The following ANOS1 variants were observed in gnomAD, a reference collection of about 807,000 sequenced individuals.
The protein encoded by ANOS1 is anosmin-1.
Under a neutral mutation model 59.0 loss-of-function variants are expected in ANOS1, and 6 were observed. That is an observed-to-expected ratio of 0.10 (90% CI 0.06 to 0.20). The LOEUF (loss-of-function observed/expected upper bound fraction) is 0.20. Ranked by LOEUF, ANOS1 falls within the 10% of genes least tolerant of loss-of-function variation. ANOS1 has a pLI of 1.00. For missense variants in ANOS1, 433 were observed against 542.3 expected (o/e 0.80, Z 2.00); for synonymous variants, 217 against 223.4 (o/e 0.97, Z 0.25).
chrX:8,719,134 C>G (rs1252439138), intron 1 of ANOS1, among the ~76,000 whole-genome samples: 1 of 111,730 alleles, frequency 9.0e-6, no homozygotes, highest in Non-Finnish European at 1.9e-5. Context: ...GATGGGGTGA[C>G]ACATGTCAAT....
intron 2 of ANOS1, among the ~76,000 whole-genome samples, chrX:8,659,584 G>GCCTGCCTTCCTT (rs1336939298): frequency 1.6e-4 from 9 of 57,686 alleles, no homozygotes; most frequent in African/African-American, 6.3e-4. Context: ...TTGCTTGCTT[G>GCCTGCCTTCCTT]CCTTCCTTCC....
chrX:8,710,375 G>A (rs182954754), intron 1 of ANOS1, among the ~76,000 whole-genome samples: 2 of 111,638 alleles, frequency 1.8e-5, no homozygotes, highest in Non-Finnish European at 3.8e-5. Flanking sequence ...TGGGCATTCC[G>A]GTCTCTGTCA....
chrX:8,554,557 T>G (rs1417462428), intron 8 of ANOS1, among the ~76,000 whole-genome samples: 2 of 97,992 alleles, frequency 2.0e-5, no homozygotes, highest in East Asian at 3.1e-4. Flanking sequence ...TTTTTTTTTT[T>G]TTTTTTTTTT....
At chrX:8,578,536 CTG>C (rs1413520900) in intron 6 of ANOS1, among the ~76,000 whole-genome samples, 7 of 111,753 alleles carry the variant, frequency 6.3e-5, no homozygotes, top group Non-Finnish European at 1.1e-4. Context: ...TACTGACACT[CTG>C]TAATGCATGC....
chrX:8,649,968 A>G (rs150771931), intron 2 of ANOS1, among the ~76,000 whole-genome samples: 177 of 112,978 alleles, frequency 1.6e-3, no homozygotes, highest in African/African-American at 5.4e-3. Flanking sequence ...TCTTTTTGTT[A>G]AACTACATAA....
chrX:8,544,606 G>A (rs1285367744), intron 9 of ANOS1, among the ~76,000 whole-genome samples: 1 of 108,953 alleles, frequency 9.2e-6, no homozygotes, highest in Non-Finnish European at 1.9e-5. Flanking sequence ...TTACGTTGTA[G>A]AGACACAAAG....
rs1167380328 is a variant in ANOS1, at chrX:8,587,813, T to C, written c.707A>G (p.His236Arg). 2 of 1,203,591 alleles carry C rather than the reference T, an allele frequency of 1.7e-6. No homozygotes were observed. Among genetic ancestry groups the C allele is most frequent in the Non-Finnish European group, 2.2e-6 (2 of 890,386 alleles). Reference sequence around the variant, plus strand: ...TCTTACCTGGGCCACTGTCTGCCAGTGAGTGGCGTCATCTTCGCTAGGATG... The same window carrying C: ...TCTTACCTGGGCCACTGTCTGCCAGCGAGTGGCGTCATCTTCGCTAGGATG... ...GIHPSEDDAT[H>R]WQTVAQTTDE... Residue 236 changes from histidine (H) to arginine (R), a missense_variant, in exon 5 of 14, where the codon CAC becomes CGC. Transcript: ENST00000262648.
chrX:8,659,061 TA>T (rs1335812477), intron 2 of ANOS1, among the ~76,000 whole-genome samples: 1 of 111,065 alleles, frequency 9.0e-6, no homozygotes, highest in East Asian at 2.8e-4. Context: ...CTGTCTCTAC[TA>T]AAAATACACA....
intron 4 of ANOS1, among the ~76,000 whole-genome samples, chrX:8,590,474 T>C (rs1216665361): frequency 1.8e-5 from 2 of 111,535 alleles, no homozygotes; most frequent in East Asian, 2.8e-4. Flanking sequence ...AACTTCTCAA[T>C]TGGAAATAAA....
chrX:8,581,656 A>T (rs1930427037), intron 6 of ANOS1, among the ~76,000 whole-genome samples: 1 of 112,066 alleles, frequency 8.9e-6, no homozygotes, highest in Non-Finnish European at 1.9e-5. Flanking sequence ...TGTCTAAAGG[A>T]GACTTAACCA....
chrX:8,703,244 G>A (rs192609942), intron 1 of ANOS1, among the ~76,000 whole-genome samples: 1 of 112,461 alleles, frequency 8.9e-6, no homozygotes, highest in Non-Finnish European at 1.9e-5. Context: ...GGTCCTCACA[G>A]AGAAGGCACA....
At chrX:8,708,075 T>G (rs1267443632) in intron 1 of ANOS1, among the ~76,000 whole-genome samples, 2 of 111,336 alleles carry the variant, frequency 1.8e-5, no homozygotes, top group Non-Finnish European at 3.8e-5. Flanking sequence ...AATACAAAAA[T>G]AATCTGGGCA....
At chrX:8,589,132 T>A (rs1484182469) in intron 4 of ANOS1, among the ~76,000 whole-genome samples, 1 of 112,550 alleles carries the variant, frequency 8.9e-6, no homozygotes, top group Non-Finnish European at 1.9e-5. Context: ...TCATGGTAAG[T>A]CTTGTTTACG....
chrX:8,731,093 C>CG (rs1224372773), intron 1 of ANOS1, among the ~76,000 whole-genome samples: 1 of 112,303 alleles, frequency 8.9e-6, no homozygotes, highest in African/African-American at 3.2e-5. Context: ...ACGGTTCCCC[C>CG]GGGACTCGTT....
chrX:8,605,101 G>A (rs1411615425), intron 3 of ANOS1, among the ~76,000 whole-genome samples: 3 of 112,028 alleles, frequency 2.7e-5, no homozygotes, highest in East Asian at 5.6e-4. Context: ...AAACAAAAAA[G>A]CAACCTACAC....
intron 1 of ANOS1, among the ~76,000 whole-genome samples, chrX:8,715,599 A>G (rs1225360859): frequency 9.1e-6 from 1 of 110,388 alleles, no homozygotes; most frequent in Non-Finnish European, 1.9e-5. Flanking sequence ...TAAGTAACAA[A>G]AGCACACACG....
chrX:8,610,873 A>T (rs1360382501), intron 3 of ANOS1, among the ~76,000 whole-genome samples: 1 of 111,681 alleles, frequency 9.0e-6, no homozygotes, highest in Admixed American at 9.5e-5. Context: ...AAAGTCTAAC[A>T]CTTTCTGGAA....
intron 2 of ANOS1, among the ~76,000 whole-genome samples, chrX:8,696,345 C>T (rs1484882549): frequency 1.8e-5 from 2 of 112,357 alleles, no homozygotes; most frequent in Non-Finnish European, 3.8e-5. Context: ...TAGTTACTGG[C>T]CATATTTAGA....
At chrX:8,556,020 G>T (rs1929943656) in intron 8 of ANOS1, among the ~76,000 whole-genome samples, 1 of 112,110 alleles carries the variant, frequency 8.9e-6, no homozygotes, top group African/African-American at 3.2e-5. Context: ...TTCATCCCTG[G>T]GATGCAAGGC....
Sources: gnomAD v4.1 joint callset for allele counts (sites outside exome capture counted in the v4.1 genomes callset) on GRCh38, gnomAD v4.1.1 for gene constraint, MANE v1.5 for transcripts, NCBI Gene and HGNC (gene_info 2026-07-23, HGNC 2026-07-21) for gene names.